The following IFRD1 variants were observed in gnomAD, a reference collection of about 807,000 sequenced individuals.
The protein encoded by IFRD1 is interferon related developmental regulator 1, also known as interferon-related developmental regulator 1.
IFRD1 carries 35 observed loss-of-function variants against 52.9 expected under a neutral mutation model. The observed-to-expected ratio is 0.66, with a 90% CI of 0.51 to 0.88. IFRD1 has a LOEUF of 0.88. IFRD1 is among the 40% of genes least tolerant of loss of function. IFRD1 has a pLI of 0.00. For missense variants in IFRD1, 517 were observed against 550.8 expected, an observed-to-expected ratio of 0.94 and a Z score of 0.61; for synonymous variants, 184 against 188.4, an observed-to-expected ratio of 0.98 and a Z score of 0.19.
rs1478884694 is a variant in IFRD1 at position 112,475,590 on chromosome 7, C to T, written c.*71C>T. 3 of 930,750 alleles carry T rather than the reference C, an allele frequency of 3.2e-6. No individual in the cohort carries two copies. Among genetic ancestry groups the T allele is most frequent in the African/African-American group, 1.6e-5 (1 of 60,756 alleles). 57.7% of individuals were successfully genotyped at this position (930,750 alleles called of 1,614,324 possible). ...TATTTCAATGTATTTAAACTCTAGA[C>T]ACAGTTTTTATCCTGGATTAACTTA... On this transcript the variant is annotated 3_prime_UTR_variant, in exon 12 of 12. Coordinates refer to ENST00000403825, the MANE Select transcript of IFRD1 (RefSeq NM_001550.4).
Position 112,451,980 on chromosome 7 carries a change from T to C in IFRD1, c.94+1198T>C, listed in dbSNP as rs1239012592. 1.3e-5 allele frequency: 13 copies of C among 981,314 alleles called. 1 individual carries two copies. The Admixed American group carries it at 8.0e-4, about 60-fold the overall frequency. The allele number at this position is 981,314 out of a possible 1,614,324, so 60.8% of individuals were successfully genotyped here. A position where few individuals can be genotyped will look rare whatever the true frequency, so the allele number is the denominator to read the frequency against. On this transcript the variant is annotated intron_variant, in intron 1 of 11. Transcript: ENST00000403825. The stretch of plus-strand genomic sequence containing the variant: ...AAAAGCTCAAAAACTCGTGATCATG[T>C]ATTAAACATTTAATAATTGACCATA...
At chr7:112,454,258 A>G (rs933132153) in intron 1 of IFRD1, among the ~76,000 whole-genome samples, 20 of 151,792 alleles carry the variant, frequency 1.3e-4, no homozygotes, top group African/African-American at 4.6e-4. Flanking sequence ...CAATGGTGCT[A>G]TCTCGGCTCA....
At chr7:112,472,476 GT>G in intron 10 of IFRD1, 129 bp downstream of exon 10, 4 of 1,019,602 alleles carry the variant, frequency 3.9e-6, no homozygotes, top group Non-Finnish European at 6.1e-6. Context: ...CAGTAAACTT[GT>G]TTTTGAAAGT....
intron 9 of IFRD1, among the ~76,000 whole-genome samples, chr7:112,468,591 C>G (rs897681390): frequency 3.3e-5 from 5 of 152,158 alleles, no homozygotes; most frequent in Non-Finnish European, 7.3e-5. Flanking sequence ...CCTCCGCCTC[C>G]CGGGTTCAAG....
At position 112,462,283 on chromosome 7, in the gene IFRD1, C is replaced by T. The variant is rs765225885; in HGVS notation, c.811C>T (p.Leu271Phe). Reference sequence around the variant, plus strand: ...ACTATTTTTTAGGCATTTCCATAAGCTTCCAAGCCTCCTCTCTTGTGATGA... The same window carrying T: ...ACTATTTTTTAGGCATTTCCATAAGTTTCCAAGCCTCCTCTCTTGTGATGA... ...KKKLEMHFHK[L>F]PSLLSCDDVN... Residue 271 changes from leucine (L) to phenylalanine (F), a missense_variant, in exon 8 of 12, where the codon CTT becomes TTT. Physicochemically the swap from Leu to Phe is conservative, Grantham distance 22. Coordinates refer to ENST00000403825, the MANE Select transcript of IFRD1 (RefSeq NM_001550.4). The T allele has an allele frequency of 4.3e-6, 7 of 1,613,426 alleles. No homozygotes were observed. Among genetic ancestry groups the T allele is most frequent in the Non-Finnish European group, 5.9e-6 (7 of 1,179,498 alleles).
At position 112,475,807 on chromosome 7, in the gene IFRD1, G is replaced by C; in HGVS notation, c.*288G>C. On this transcript the variant is annotated 3_prime_UTR_variant, in exon 12 of 12. Coordinates refer to ENST00000403825, the MANE Select transcript of IFRD1 (RefSeq NM_001550.4). Reference sequence around the variant, plus strand: ...ATGATGGGGAAAACAATTAGCCAAAGTTTAATTTCTTACACTGTGGTTGTC... The same window carrying C: ...ATGATGGGGAAAACAATTAGCCAAACTTTAATTTCTTACACTGTGGTTGTC... 1 of 337,132 alleles carries C rather than the reference G, an allele frequency of 3.0e-6. No homozygotes were observed. The allele number at this position is 337,132 out of a possible 1,614,324, so 20.9% of individuals were successfully genotyped here.
At chr7:112,468,749 C>T (rs539139704) in intron 9 of IFRD1, among the ~76,000 whole-genome samples, 183 of 152,290 alleles carry the variant, frequency 1.2e-3, no homozygotes, top group African/African-American at 3.2e-3. Context: ...CCACCCGCAT[C>T]GGCCTTCCAA....
At chr7:112,432,343 C>T (rs903888397) in intron 1 of IFRD1, among the ~76,000 whole-genome samples, 1 of 152,150 alleles carries the variant, frequency 6.6e-6, no homozygotes, top group African/African-American at 2.4e-5. Flanking sequence ...GCTAAGGAGA[C>T]AACAGTGAAC....
intron 9 of IFRD1, among the ~76,000 whole-genome samples, chr7:112,471,005 T>G (rs1023593039): frequency 1.3e-5 from 2 of 152,182 alleles, no homozygotes; most frequent in African/African-American, 4.8e-5. Flanking sequence ...CAGAGGTTTG[T>G]CTGTTACCAA....
rs1185534891 is a variant in IFRD1 at position 112,472,219 on chromosome 7, GAACGGGAT to G, written c.1043_1050del (p.Glu348ValfsTer7). On this transcript the variant is annotated frameshift_variant and splice_region_variant, in exon 10 of 12. Coordinates refer to ENST00000403825, the MANE Select transcript of IFRD1 (RefSeq NM_001550.4). LOFTEE classifies it high-confidence loss of function. ...TAATTTTGGTTCTTCCATTGGTTAG[GAACGGGAT>G]TTTCCAACAGAAACCATTAAATTTG... 6.2e-7 allele frequency: 1 copy of G among 1,613,796 alleles called. No homozygotes were observed. Among genetic ancestry groups the G allele is most frequent in the Non-Finnish European group, 8.5e-7 (1 of 1,179,882 alleles).
upstream of IFRD1, among the ~76,000 whole-genome samples, chr7:112,445,898 TA>T (rs199967221): frequency 1.3e-3 from 195 of 151,412 alleles, 1 homozygote; most frequent in African/African-American, 4.0e-3. Context: ...CAATACATAT[TA>T]AAAAAAAAGA....
rs1258867183 is a variant in IFRD1, at chr7:112,477,059, G to C, written c.*1540G>C. The C allele has an allele frequency of 6.6e-6, 1 of 152,140 alleles. No homozygotes were observed. The highest frequency in any genetic ancestry group is 1.5e-5 in the Non-Finnish European group (1 of 68,034). 9.4% of individuals were successfully genotyped at this position (152,140 alleles called of 1,614,324 possible). A position where few individuals can be genotyped will look rare whatever the true frequency, so the allele number is the denominator to read the frequency against. On this transcript the variant is annotated 3_prime_UTR_variant, in exon 12 of 12. Coordinates refer to ENST00000403825, the MANE Select transcript of IFRD1 (RefSeq NM_001550.4). Reference sequence around the variant, plus strand: ...AGAATCTAGAACTTGTTTGTATGTTGTCACTTGGTTATGTTCCAAGTAGGT... The same window carrying C: ...AGAATCTAGAACTTGTTTGTATGTTCTCACTTGGTTATGTTCCAAGTAGGT...
At chr7:112,439,705 T>C (rs1563259094) in intron 1 of IFRD1, among the ~76,000 whole-genome samples, 1 of 152,158 alleles carries the variant, frequency 6.6e-6, no homozygotes, top group Non-Finnish European at 1.5e-5. Flanking sequence ...AGGAGAAATC[T>C]TTCCCTCAAG....
intron 1 of IFRD1, among the ~76,000 whole-genome samples, chr7:112,426,322 G>C (rs1166024986): frequency 6.6e-6 from 1 of 152,172 alleles, no homozygotes; most frequent in African/African-American, 2.4e-5. Context: ...GGCCAAGAGT[G>C]GGGGCAAATT....
chr7:112,452,052 C>G, intron 1 of IFRD1: 1 of 980,958 alleles, frequency 1.0e-6, no homozygotes, highest in Non-Finnish European at 1.2e-6. Context: ...TTAGGTGCCT[C>G]TTTATTTTGA....
intron 9 of IFRD1, among the ~76,000 whole-genome samples, chr7:112,471,293 A>G (rs1795739232): frequency 6.6e-6 from 1 of 152,182 alleles, no homozygotes; most frequent in Non-Finnish European, 1.5e-5. Flanking sequence ...CAGCAAGGTT[A>G]AGTTACTTGA....
intron 1 of IFRD1, among the ~76,000 whole-genome samples, chr7:112,437,610 A>G (rs905785300): frequency 6.6e-6 from 1 of 151,858 alleles, no homozygotes; most frequent in Non-Finnish European, 1.5e-5. Context: ...GTCTGACTTC[A>G]GAAAATGTAC....
chr7:112,472,920 G>A, intron 11 of IFRD1, 59 bp downstream of exon 11: 1 of 1,189,810 alleles, frequency 8.4e-7, no homozygotes, highest in Non-Finnish European at 1.3e-6. Context: ...ATTCTGTCTA[G>A]TGTCAGCAAC....
At chr7:112,455,732 T>A in intron 1 of IFRD1, 31 bp from the exon 2 acceptor site, 1 of 1,441,258 alleles carries the variant, frequency 6.9e-7, no homozygotes, top group Non-Finnish European at 9.8e-7. Context: ...GGCAATAAAA[T>A]AATTTACCTC....
Sources: gnomAD v4.1 joint callset for allele counts (sites outside exome capture counted in the v4.1 genomes callset) on GRCh38, gnomAD v4.1.1 for gene constraint, MANE v1.5 for transcripts, NCBI Gene and HGNC (gene_info 2026-07-23, HGNC 2026-07-21) for gene names.